Variants in SIPA1L2 observed in about 807,000 individuals in gnomAD.
SIPA1L2 encodes signal-induced proliferation-associated 1-like protein 2.
Under a neutral mutation model 163.9 loss-of-function variants are expected in SIPA1L2, and 56 were observed. The ratio of observed to expected loss-of-function variants is 0.34; its 90% CI spans 0.28 to 0.43. The LOEUF (loss-of-function observed/expected upper bound fraction) is 0.43, where lower values mean the gene tolerates loss of function less well. Ranked by LOEUF, SIPA1L2 falls within the 20% of genes least tolerant of loss-of-function variation. SIPA1L2 has a pLI of 1.00. For missense variants in SIPA1L2, 1,974 were observed against 2,193.5 expected (o/e 0.90, Z 2.00); for synonymous variants, 877 against 865.7 (o/e 1.01, Z -0.23).
intron 2 of SIPA1L2, among the ~76,000 whole-genome samples, chr1:232,541,283 T>TAACAC (rs1657658242): frequency 1.5e-5 from 2 of 132,486 alleles, no homozygotes; most frequent in Non-Finnish European, 3.5e-5. Context: ...TAACATAACA[T>TAACAC]AACATAACAT....
Position 232,399,064 on chromosome 1 carries a change from T to G in SIPA1L2, c.*63A>C. On this transcript the variant is annotated 3_prime_UTR_variant, in exon 23 of 23. Coordinates refer to ENST00000674635, the MANE Select transcript of SIPA1L2 (RefSeq NM_020808.5). ...GTTGAAAGCACACAGAAAAACCACATGTTTGTGACTTCAAAGGGACAAGGG... is the reference window on the plus strand; with the variant it reads ...GTTGAAAGCACACAGAAAAACCACAGGTTTGTGACTTCAAAGGGACAAGGG... 5.6e-6 allele frequency: 9 copies of G among 1,602,270 alleles called. No individual in the cohort carries two copies. Among genetic ancestry groups the G allele is most frequent in the Non-Finnish European group, 6.8e-6 (8 of 1,173,358 alleles).
intron 2 of SIPA1L2, among the ~76,000 whole-genome samples, chr1:232,560,826 G>A (rs1472729595): frequency 6.6e-6 from 1 of 152,164 alleles, no homozygotes; most frequent in Admixed American, 6.6e-5. Context: ...GTAAAACTTG[G>A]ATAATAAATA....
At chr1:232,415,462 A>C (rs1358072540) in intron 19 of SIPA1L2, 32 bp downstream of exon 19, 1 of 1,578,836 alleles carries the variant, frequency 6.3e-7, no homozygotes. Context: ...TCCCAGGGTA[A>C]GGGGTGAGGC....
intron 3 of SIPA1L2, among the ~76,000 whole-genome samples, chr1:232,498,596 T>C (rs146330774): frequency 1.2e-3 from 187 of 152,302 alleles, no homozygotes; most frequent in African/African-American, 4.2e-3. Context: ...TCCATTTCCT[T>C]GCCTTCTCCA....
chr1:232,576,624 A>G (rs1660092685), intron 1 of SIPA1L2, among the ~76,000 whole-genome samples: 1 of 152,218 alleles, frequency 6.6e-6, no homozygotes, highest in Admixed American at 6.5e-5. Context: ...ACCAGAAGCA[A>G]TTAAGCTCAA....
Position 232,403,648 on chromosome 1 carries a change from T to A in SIPA1L2, c.4817-77A>T, listed in dbSNP as rs1660478329. On this transcript the variant is annotated intron_variant, in intron 20 of 22. Transcript: ENST00000674635. Reference sequence around the variant, plus strand: ...GCAATGTTTCTTTGTGGAAATGCAATAGCTAAATAAAATCTTTTCCCCCCT... The same window carrying A: ...GCAATGTTTCTTTGTGGAAATGCAAAAGCTAAATAAAATCTTTTCCCCCCT... 16 of 1,501,082 alleles carry A rather than the reference T, an allele frequency of 1.1e-5. No individual in the cohort carries two copies. The South Asian group carries it at 2.1e-4, about 20-fold the overall frequency. 93.0% of individuals were successfully genotyped at this position (1,501,082 alleles called of 1,614,324 possible).
In SIPA1L2 at chr1:232,432,249, G is replaced by C; in HGVS notation, c.4254C>G (p.Pro1418=). The change falls in exon 16 of 23, where the codon CCC becomes CCG. Residue 1418 remains proline, a splice_region_variant and synonymous_variant. Transcript: ENST00000674635. ...AGAAGAACAGCCAGCCACCTTACCC[G>C]GGACATTCAGTCACTTCAGGCTCCT... ...PPEEPEVTEC[P]GMYSEMDVMS... The C allele has an allele frequency of 1.2e-6, 2 of 1,613,196 alleles. No individual in the cohort carries two copies. Among genetic ancestry groups the C allele is most frequent in the South Asian group, 1.1e-5 (1 of 90,924 alleles).
At chr1:232,540,821 A>G (rs1482922673) in intron 2 of SIPA1L2, among the ~76,000 whole-genome samples, 2 of 152,206 alleles carry the variant, frequency 1.3e-5, no homozygotes, top group Non-Finnish European at 2.9e-5. Flanking sequence ...ATTATAAGCA[A>G]TAGTCAATGC....
intron 2 of SIPA1L2, among the ~76,000 whole-genome samples, chr1:232,565,745 T>A (rs1358510402): frequency 6.6e-6 from 1 of 152,188 alleles, no homozygotes; most frequent in African/African-American, 2.4e-5. Flanking sequence ...AAACAAACTT[T>A]TAAACTGGGT....
At chr1:232,442,102 C>T (rs1378212536) in intron 12 of SIPA1L2, among the ~76,000 whole-genome samples, 1 of 152,020 alleles carries the variant, frequency 6.6e-6, no homozygotes, top group Non-Finnish European at 1.5e-5. Context: ...CGGATGATAG[C>T]CATTTACAGA....
chr1:232,590,288 CTT>C (rs969249812), intron 1 of SIPA1L2, among the ~76,000 whole-genome samples: 1 of 152,202 alleles, frequency 6.6e-6, no homozygotes, highest in Non-Finnish European at 1.5e-5. Flanking sequence ...AAAAATGACT[CTT>C]GACTTTATTT....
chr1:232,586,952 G>GT (rs1232144557), intron 1 of SIPA1L2, among the ~76,000 whole-genome samples: 1 of 152,196 alleles, frequency 6.6e-6, no homozygotes, highest in Non-Finnish European at 1.5e-5. Context: ...TACACAGCTG[G>GT]TGTCATGGGC....
At chr1:232,441,205 T>A (rs1662870520) in intron 14 of SIPA1L2, 86 bp downstream of exon 14, 7 of 991,694 alleles carry the variant, frequency 7.1e-6, no homozygotes, top group Admixed American at 5.8e-5. Context: ...CTCTTGAGCA[T>A]CCCCAGGAAT....
chr1:232,435,968 G>A (rs971356973), intron 15 of SIPA1L2, among the ~76,000 whole-genome samples: 2 of 152,122 alleles, frequency 1.3e-5, no homozygotes, highest in Admixed American at 6.5e-5. Flanking sequence ...GCCAAGGAAT[G>A]TGCGTGTGTG....
chr1:232,627,914 CTG>C (rs1182617024), intron 1 of SIPA1L2, among the ~76,000 whole-genome samples: 4 of 152,178 alleles, frequency 2.6e-5, no homozygotes, highest in African/African-American at 9.7e-5. Flanking sequence ...GATGTTTGCT[CTG>C]TAGTTTTTCT....
chr1:232,579,384 C>T (rs926548706), intron 1 of SIPA1L2, among the ~76,000 whole-genome samples: 1 of 152,182 alleles, frequency 6.6e-6, no homozygotes, highest in African/African-American at 2.4e-5. Context: ...CAAAACACTC[C>T]GGTCTAGACT....
intron 3 of SIPA1L2, among the ~76,000 whole-genome samples, chr1:232,508,014 T>C (rs1243296769): frequency 1.3e-5 from 2 of 152,164 alleles, no homozygotes; most frequent in African/African-American, 4.8e-5. Flanking sequence ...CATTTTCTTA[T>C]TTTCCCATAA....
intron 1 of SIPA1L2, among the ~76,000 whole-genome samples, chr1:232,629,495 G>C (rs900285028): frequency 6.6e-6 from 1 of 152,222 alleles, no homozygotes; most frequent in African/African-American, 2.4e-5. Context: ...CGCCGGGGAA[G>C]CTGCGTCGGG....
chr1:232,468,393 A>G (rs1432391181), intron 8 of SIPA1L2, among the ~76,000 whole-genome samples: 1 of 152,220 alleles, frequency 6.6e-6, no homozygotes, highest in Non-Finnish European at 1.5e-5. Flanking sequence ...GAAAGGTGTG[A>G]GGAGCAAACT....
Sources: allele counts gnomAD v4.1 joint callset (sites outside exome capture counted in the v4.1 genomes callset), GRCh38; gene constraint gnomAD v4.1.1; transcripts MANE v1.5; gene names NCBI Gene and HGNC (gene_info 2026-07-23, HGNC 2026-07-21).